EYA1: variants seen among roughly 807,000 people sequenced by gnomAD.
EYA1 encodes protein phosphatase EYA1.
A neutral mutation model predicts 82.0 loss-of-function variants in EYA1; 16 were observed. The observed-to-expected ratio is 0.20, with a 90% CI of 0.13 to 0.30. The LOEUF is 0.30. EYA1 is among the 10% of genes least tolerant of loss of function. EYA1 has a pLI of 1.00. For synonymous variants in EYA1, 261 were observed against 264.4 expected (o/e 0.99, Z 0.12); for missense variants, 633 against 730.7 (o/e 0.87, Z 1.54).
intron 1 of EYA1, 99 bp from the exon 2 acceptor site, chr8:71,356,610 T>C (rs1826907513): frequency 7.0e-7 from 1 of 1,428,794 alleles, no homozygotes; most frequent in Non-Finnish European, 9.2e-7. Flanking sequence ...CAATGCTCTC[T>C]TTTAACCAAA....
chr8:71,298,352 G>GTAT (rs1325443169), intron 9 of EYA1, among the ~76,000 whole-genome samples: 1 of 152,136 alleles, frequency 6.6e-6, no homozygotes, highest in Non-Finnish European at 1.5e-5. Context: ...AAGGCAAGGA[G>GTAT]GTGAGAAGTA....
intron 4 of EYA1, among the ~76,000 whole-genome samples, chr8:71,329,380 C>A (rs143494147): frequency 6.6e-6 from 1 of 152,062 alleles, no homozygotes; most frequent in East Asian, 1.9e-4. Flanking sequence ...AACCCTTGAC[C>A]CTGGATCAAG....
At chr8:71,253,593 G>A (rs139867049) in intron 11 of EYA1, among the ~76,000 whole-genome samples, 28 of 152,232 alleles carry the variant, frequency 1.8e-4, no homozygotes, top group East Asian at 7.7e-4. Flanking sequence ...GAAACTACCC[G>A]TAGAGCAAAT....
chr8:71,524,838 A>C (rs1189510345), intron 2 of EYA1, among the ~76,000 whole-genome samples: 1 of 152,250 alleles, frequency 6.6e-6, no homozygotes, highest in East Asian at 1.9e-4. Flanking sequence ...AAATAAAATC[A>C]GTAATTTAAA....
chr8:71,418,814 G>C (rs1417411625), intron 2 of EYA1, among the ~76,000 whole-genome samples: 1 of 152,114 alleles, frequency 6.6e-6, no homozygotes, highest in Admixed American at 6.6e-5. Context: ...GGCAACAATG[G>C]GAGGGAGGGA....
Position 71,441,907 on chromosome 8 carries a change from G to C in EYA1, c.34-85396C>G, listed in dbSNP as rs77114416. ...AGAAAAAGAGACATGAGATATCTCT[G>C]TTTCTGAGAACACACACCTAGGAAA... is the stretch of plus-strand genomic sequence containing the variant. On this transcript the variant is annotated intron_variant, in intron 2 of 18. Coordinates refer to the EYA1 transcript ENST00000643681. 2.5e-3 allele frequency among the ~76,000 whole-genome samples: 379 copies of C among 152,210 alleles called. 3 individuals carry two copies. The highest frequency in any genetic ancestry group is 8.9e-3 in the African/African-American group (369 of 41,528).
chr8:71,467,238 AT>A (rs1264513616), intron 2 of EYA1, among the ~76,000 whole-genome samples: 3 of 152,130 alleles, frequency 2.0e-5, no homozygotes, highest in African/African-American at 7.2e-5. Flanking sequence ...CATTTTTAAA[AT>A]GTGAAAAATT....
intron 2 of EYA1, among the ~76,000 whole-genome samples, chr8:71,395,654 G>A (rs1454309528): frequency 1.3e-5 from 2 of 152,092 alleles, no homozygotes; most frequent in African/African-American, 4.8e-5. Context: ...ATTTGATCAC[G>A]GTGGATAAGC....
intron 4 of EYA1, 82 bp downstream of exon 4, chr8:71,334,015 A>G (rs1188472688): frequency 6.6e-6 from 6 of 902,592 alleles, no homozygotes; most frequent in Non-Finnish European, 1.1e-5. Context: ...ACATGTATAC[A>G]TATACATACA....
At chr8:71,306,264 G>GT (rs34958363) in intron 7 of EYA1, among the ~76,000 whole-genome samples, 105,442 of 152,082 alleles carry the variant, frequency 0.69, 36,861 homozygotes, top group East Asian at 0.89. Flanking sequence ...AGAATAGAAA[G>GT]TTTTGGGAAG....
At chr8:71,474,507 A>G (rs1054422753) in intron 2 of EYA1, among the ~76,000 whole-genome samples, 1 of 152,194 alleles carries the variant, frequency 6.6e-6, no homozygotes, top group Admixed American at 6.5e-5. Flanking sequence ...GAACTATATT[A>G]TCAAGATCAC....
At position 71,206,427 on chromosome 8, in the gene EYA1, C is replaced by A. The variant is rs537288468; in HGVS notation, c.1698+4729G>T. ...TGTAGAGACGGGTTTCACCATGTTG[C>A]CCAGGCTGGCCTCAAACTCCTGGGC... is the stretch of plus-strand genomic sequence containing the variant. On this transcript the variant is annotated intron_variant, in intron 17 of 17. Transcript: ENST00000340726. 1.6e-3 allele frequency among the ~76,000 whole-genome samples: 247 copies of A among 152,146 alleles called. 1 individual carries two copies. The highest frequency in any genetic ancestry group is 5.7e-3 in the African/African-American group (236 of 41,526).
At chr8:71,523,963 G>A (rs1053439650) in intron 2 of EYA1, among the ~76,000 whole-genome samples, 1 of 152,180 alleles carries the variant, frequency 6.6e-6, no homozygotes, top group African/African-American at 2.4e-5. Context: ...TAAATAGTGA[G>A]TACACTTCTT....
intron 9 of EYA1, among the ~76,000 whole-genome samples, chr8:71,276,219 T>C (rs182028392): frequency 6.6e-5 from 10 of 152,356 alleles, no homozygotes; most frequent in African/African-American, 1.9e-4. Context: ...CTTGCACTAA[T>C]AATAAACAGT....
intron 3 of EYA1, among the ~76,000 whole-genome samples, chr8:71,350,390 A>T (rs957962535): frequency 3.3e-5 from 5 of 152,198 alleles, no homozygotes; most frequent in Non-Finnish European, 7.3e-5. Flanking sequence ...TGATAAAAAC[A>T]GCTTAAGATA....
chr8:71,372,226 A>G (rs1000175228), intron 2 of EYA1, among the ~76,000 whole-genome samples: 2 of 152,132 alleles, frequency 1.3e-5, no homozygotes, highest in African/African-American at 4.8e-5. Flanking sequence ...TACAAAGCCT[A>G]GGTCATGACT....
At chr8:71,247,488 G>A (rs576159650) in intron 11 of EYA1, among the ~76,000 whole-genome samples, 2 of 152,116 alleles carry the variant, frequency 1.3e-5, no homozygotes, top group South Asian at 4.1e-4. Context: ...TCTGCTGGGA[G>A]GGACAAAGGA....
chr8:71,321,963 C>T, intron 5 of EYA1, 84 bp from the exon 6 acceptor site: 1 of 1,559,620 alleles, frequency 6.4e-7, no homozygotes, highest in Non-Finnish European at 8.8e-7. Flanking sequence ...ATCACAAATT[C>T]CAGCTAAATA....
intron 2 of EYA1, among the ~76,000 whole-genome samples, chr8:71,436,494 G>T (rs1003598524): frequency 9.9e-5 from 15 of 152,062 alleles, no homozygotes; most frequent in African/African-American, 3.6e-4. Flanking sequence ...AAAGCATTCT[G>T]GTTTTTAAAT....
Sources: allele counts gnomAD v4.1 joint callset (sites outside exome capture counted in the v4.1 genomes callset), GRCh38; gene constraint gnomAD v4.1.1; transcripts MANE v1.5; gene names NCBI Gene and HGNC (gene_info 2026-07-23, HGNC 2026-07-21).